C2: variants seen among roughly 807,000 people sequenced by gnomAD.
The protein encoded by C2 is complement C2.
Under a neutral mutation model 85.2 loss-of-function variants are expected in C2, and 64 were observed. That is an observed-to-expected ratio of 0.75 (90% CI 0.61 to 0.92). The LOEUF is 0.92. C2 is among the 40% of genes least tolerant of loss of function. The pLI, the probability that C2 is intolerant of heterozygous loss-of-function variation, is 0.00. For missense variants in C2, 820 were observed against 971.6 expected, an observed-to-expected ratio of 0.84 and a Z score of 2.07; for synonymous variants, 311 against 370.8, an observed-to-expected ratio of 0.84 and a Z score of 1.85.
chr6:31,930,468 A>G (rs1769648024), intron 3 of C2, among the ~76,000 whole-genome samples: 1 of 152,118 alleles, frequency 6.6e-6, no homozygotes, highest in African/African-American at 2.4e-5. Context: ...TTCCTACCTC[A>G]GCCTCCTCAG....
upstream of C2, among the ~76,000 whole-genome samples, chr6:31,919,737 A>G (rs970878164): frequency 6.6e-6 from 1 of 152,224 alleles, no homozygotes; most frequent in Admixed American, 6.5e-5. Flanking sequence ...TAACATATAT[A>G]TCTGGAGACA....
chr6:31,938,456 G>GTA (rs5875341), intron 8 of C2, among the ~76,000 whole-genome samples: 10,213 of 144,172 alleles, frequency 0.071, 550 homozygotes, highest in African/African-American at 0.15. Flanking sequence ...ATATATGTAT[G>GTA]TATATATATA....
intron 1 of C2, among the ~76,000 whole-genome samples, chr6:31,908,618 C>G (rs1042431162): frequency 2.0e-5 from 3 of 150,628 alleles, no homozygotes; most frequent in Non-Finnish European, 4.4e-5. Context: ...CACCACTCCA[C>G]TCCAGCCTGG....
In C2 at chr6:31,944,231, G is replaced by A. The variant is rs201711512; in HGVS notation, c.1902+5G>A. ...AACCTTAAGATGGGAGTGGAGGTGA[G>A]GGTCTCAGGTTGGGGATGCTGGGAT... On this transcript the variant is annotated splice_donor_5th_base_variant and intron_variant, in intron 15 of 17. Transcript: ENST00000299367. This position sits in a 1 kb window ranked among gnomAD's most constrained non-coding sequence, Gnocchi z 5.1. The A allele has an allele frequency of 1.3e-4, 202 of 1,598,544 alleles. No homozygotes were observed. The highest frequency in any genetic ancestry group is 1.7e-4 in the Admixed American group (10 of 59,976).
Position 31,945,659 on chromosome 6 carries a change from C to T in C2, c.*302C>T, listed in dbSNP as rs1266569058. ...TCCCAGTTATGAAATTAATAAAAAT[C>T]AATGGTTTCCACATCTCTCAGTGCC... is the stretch of plus-strand genomic sequence containing the variant. On this transcript the variant is annotated 3_prime_UTR_variant, in exon 18 of 18. Transcript: ENST00000299367. The surrounding 1 kb of genome is among the most constrained non-coding windows in gnomAD (Gnocchi z 5.3). 1.8e-6 allele frequency: 1 copy of T among 548,306 alleles called. No individual in the cohort carries two copies. The highest frequency in any genetic ancestry group is 3.3e-6 in the Non-Finnish European group (1 of 305,664). 34.0% of individuals were successfully genotyped at this position (548,306 alleles called of 1,614,324 possible).
intron 7 of C2, chr6:31,937,116 T>C (rs1400565918): frequency 1.7e-6 from 1 of 573,864 alleles, no homozygotes; most frequent in Non-Finnish European, 3.1e-6. Flanking sequence ...GACTGAGGCA[T>C]GAGAATCACT....
intron 3 of C2, among the ~76,000 whole-genome samples, chr6:31,932,972 C>T: frequency 6.6e-6 from 1 of 152,246 alleles, no homozygotes; most frequent in Non-Finnish European, 1.5e-5. Flanking sequence ...GAAAACCAGT[C>T]AGGCGTGGCG....
upstream of C2, among the ~76,000 whole-genome samples, chr6:31,918,479 C>T (rs1297210083): frequency 2.0e-5 from 3 of 151,866 alleles, no homozygotes; most frequent in African/African-American, 4.8e-5. Flanking sequence ...CTTCTTGTCC[C>T]AGCTTCTTGG....
chr6:31,935,462 T>TTTA lies in C2; in HGVS notation c.850-437_850-435dup, dbSNP rs757946700. The TTTA allele has an allele frequency of 0.025, 3,916 of 154,098 alleles. 123 individuals are homozygous for TTTA. Among genetic ancestry groups the TTTA allele is most frequent in the Non-Finnish European group, 0.026 (1,796 of 69,680 alleles). The allele number at this position is 154,098 out of a possible 1,614,324, so 9.5% of individuals were successfully genotyped here. ...TCCTTAGCTGCTGCTGTTCCTTATT[T>TTTA]TTATTATTATTATTATTATTATTAT... On this transcript the variant is annotated intron_variant, in intron 6 of 17. Transcript: ENST00000299367. The surrounding 1 kb of genome is among the most constrained non-coding windows in gnomAD (Gnocchi z 4.3).
At chr6:31,909,943 C>T (rs903353417) in intron 1 of C2, among the ~76,000 whole-genome samples, 17 of 150,924 alleles carry the variant, frequency 1.1e-4, no homozygotes, top group Admixed American at 3.3e-4. Flanking sequence ...TACAGTGGTG[C>T]GATCTTGGCT....
upstream of C2, among the ~76,000 whole-genome samples, chr6:31,923,940 C>T (rs920494656): frequency 1.3e-5 from 2 of 151,998 alleles, no homozygotes; most frequent in Non-Finnish European, 2.9e-5. Context: ...GCTGGGACTA[C>T]AGGCGCCTGC....
At chr6:31,933,017 GAGGCAGGAGAATC>G (rs1770045263) in intron 3 of C2, among the ~76,000 whole-genome samples, 3 of 152,250 alleles carry the variant, frequency 2.0e-5, no homozygotes, top group Admixed American at 2.0e-4. Context: ...TCGGCAAGCT[GAGGCAGGAGAATC>G]AGGCAGGGAG....
chr6:31,900,631 G>T, upstream of C2: 1 of 1,612,788 alleles, frequency 6.2e-7, no homozygotes, highest in Non-Finnish European at 8.5e-7. This position sits in a 1 kb window ranked among gnomAD's most constrained non-coding sequence, Gnocchi z 9.7. Flanking sequence ...GGCCTCCAGG[G>T]GGTTTGAGCC....
At chr6:31,916,595 G>A (rs1481245405), upstream of C2, among the ~76,000 whole-genome samples, 1 of 148,564 alleles carries the variant, frequency 6.7e-6, no homozygotes, top group Admixed American at 6.8e-5. Context: ...TGTCACTGTT[G>A]TGTGCAGTGG....
upstream of C2, chr6:31,900,903 CTT>C: frequency 2.5e-6 from 4 of 1,614,168 alleles, no homozygotes; most frequent in Non-Finnish European, 2.5e-6. The surrounding 1 kb of genome is among the most constrained non-coding windows in gnomAD (Gnocchi z 9.7). Flanking sequence ...ACCCCATCCT[CTT>C]TGAGGCCTAT....
At chr6:31,900,483 C>T, upstream of C2, 2 of 1,607,080 alleles carry the variant, frequency 1.2e-6, no homozygotes, top group African/African-American at 2.7e-5. This position sits in a 1 kb window ranked among gnomAD's most constrained non-coding sequence, Gnocchi z 9.7. Flanking sequence ...AGGCCCTCCC[C>T]TTCTGCATCT....
At chr6:31,899,873 C>T, upstream of C2, 1 of 1,507,136 alleles carries the variant, frequency 6.6e-7, no homozygotes, top group Non-Finnish European at 8.8e-7. Context: ...CCAAAGAGCC[C>T]TTTTTCCACG....
intron 1 of C2, among the ~76,000 whole-genome samples, chr6:31,910,360 G>T (rs1227825794): frequency 6.7e-6 from 1 of 148,738 alleles, no homozygotes; most frequent in Non-Finnish European, 1.5e-5. Context: ...TTTTGACAAG[G>T]TCTCACTCTG....
At chr6:31,898,850 T>C (rs1766926496), upstream of C2, among the ~76,000 whole-genome samples, 1 of 151,774 alleles carries the variant, frequency 6.6e-6, no homozygotes, top group Non-Finnish European at 1.5e-5. Context: ...TGGCTAAGTG[T>C]TGAGATTGCA....
Sources: gnomAD v4.1 joint callset for allele counts (sites outside exome capture counted in the v4.1 genomes callset) on GRCh38, gnomAD v4.1.1 for gene constraint, Gnocchi (gnomAD v3.1) non-coding constraint, MANE v1.5 for transcripts, NCBI Gene and HGNC (gene_info 2026-07-23, HGNC 2026-07-21) for gene names.